The following KCNH1 variants were observed in gnomAD, a reference collection of about 807,000 sequenced individuals.
KCNH1 encodes voltage-gated delayed rectifier potassium channel KCNH1.
Under a neutral mutation model 69.2 loss-of-function variants are expected in KCNH1, and 27 were observed. The observed-to-expected ratio is 0.39, with a 90% CI of 0.29 to 0.54. The LOEUF is 0.54. Ranked by LOEUF, KCNH1 falls within the 20% of genes least tolerant of loss-of-function variation. KCNH1 has a pLI of 0.68. For synonymous variants in KCNH1, 456 were observed against 487.7 expected (o/e 0.93, Z 0.86); for missense variants, 798 against 1,261.6 (o/e 0.63, Z 5.57).
In KCNH1 at chr1:210,835,163, C is replaced by T. The variant is rs115592575; in HGVS notation, c.1463-30997G>A. On this transcript the variant is annotated intron_variant, in intron 7 of 10. Transcript: ENST00000271751. ...TATGCAAATCCTTTCTGTGTATGTT[C>T]AATAAAAATAAATGGCTACATGCTC... is the stretch of plus-strand genomic sequence containing the variant. 2.0e-3 allele frequency among the ~76,000 whole-genome samples: 309 copies of T among 152,186 alleles called. 3 individuals carry two copies. Among genetic ancestry groups the T allele is most frequent in the African/African-American group, 7.3e-3 (305 of 41,524 alleles).
chr1:211,040,424 A>T (rs1206068718), intron 5 of KCNH1, among the ~76,000 whole-genome samples: 1 of 152,102 alleles, frequency 6.6e-6, no homozygotes, highest in Non-Finnish European at 1.5e-5. Context: ...AATAAGTTTC[A>T]TGAGATCTGA....
intron 5 of KCNH1, among the ~76,000 whole-genome samples, chr1:211,054,702 T>C (rs1200914704): frequency 6.6e-6 from 1 of 152,172 alleles, no homozygotes; most frequent in Non-Finnish European, 1.5e-5. Context: ...TTAAAGTTAT[T>C]AGCTTCAAAA....
At chr1:210,878,261 T>C (rs1686423639) in intron 7 of KCNH1, among the ~76,000 whole-genome samples, 1 of 151,914 alleles carries the variant, frequency 6.6e-6, no homozygotes, top group Non-Finnish European at 1.5e-5. Context: ...TCAGTAACGA[T>C]ACCATTGAAC....
intron 5 of KCNH1, among the ~76,000 whole-genome samples, chr1:211,063,009 C>T (rs1318562377): frequency 6.6e-6 from 1 of 152,136 alleles, no homozygotes; most frequent in East Asian, 1.9e-4. Context: ...CTGCACTTCC[C>T]ATATTTATTA....
At chr1:210,746,016 G>C (rs1683144740) in intron 10 of KCNH1, among the ~76,000 whole-genome samples, 1 of 152,176 alleles carries the variant, frequency 6.6e-6, no homozygotes, top group Admixed American at 6.5e-5. Context: ...AGCTGGGGCA[G>C]CCACACACAC....
chr1:210,947,801 C>T (rs1687987591), intron 6 of KCNH1, among the ~76,000 whole-genome samples: 1 of 152,026 alleles, frequency 6.6e-6, no homozygotes, highest in African/African-American at 2.4e-5. Context: ...GATCAGAAAT[C>T]CTGGCTTTAC....
chr1:211,006,135 T>C (rs1689280065), intron 6 of KCNH1, among the ~76,000 whole-genome samples: 1 of 152,208 alleles, frequency 6.6e-6, no homozygotes. Flanking sequence ...AACTCTCATG[T>C]ATTGCAACCA....
chr1:210,988,524 A>G (rs767698074), intron 6 of KCNH1, among the ~76,000 whole-genome samples: 28 of 152,224 alleles, frequency 1.8e-4, no homozygotes, highest in Non-Finnish European at 3.4e-4. Flanking sequence ...CCACAATAAT[A>G]CATGCCATGT....
In KCNH1 at chr1:210,797,713, G is replaced by A. The variant is rs1684346106; in HGVS notation, c.1710C>T (p.His570=). 4 of 1,614,170 alleles carry A rather than the reference G, an allele frequency of 2.5e-6. No homozygotes were observed. Among genetic ancestry groups the A allele is most frequent in the East Asian group, 4.5e-5 (2 of 44,880 alleles). Residue 570 remains histidine (H), a synonymous_variant, in exon 9 of 11, where the codon CAC becomes CAT. Coordinates refer to ENST00000271751, the MANE Select transcript of KCNH1 (RefSeq NM_172362.3). ...PKDMRADICV[H]LNRKVFKEHP... ...GCTCCTTGAACACCTTGCGGTTCAG[G>A]TGCACGCAGATGTCGGCTCTCATGT...
chr1:210,867,272 G>A (rs1459629913), intron 7 of KCNH1, among the ~76,000 whole-genome samples: 4 of 151,072 alleles, frequency 2.6e-5, no homozygotes, highest in Non-Finnish European at 4.4e-5. Context: ...TGGTAGGTGA[G>A]TTTTATTTCA....
intron 6 of KCNH1, among the ~76,000 whole-genome samples, chr1:210,994,871 T>C (rs1287821025): frequency 6.6e-6 from 1 of 152,200 alleles, no homozygotes; most frequent in East Asian, 1.9e-4. Context: ...TGAAAACCTT[T>C]CTGAGCCTCT....
chr1:210,862,877 A>C (rs527342306), intron 7 of KCNH1, among the ~76,000 whole-genome samples: 1 of 152,316 alleles, frequency 6.6e-6, no homozygotes, highest in East Asian at 1.9e-4. Context: ...GAATCTCAAA[A>C]ATGTACAAAC....
At chr1:210,842,722 T>C (rs904760704) in intron 7 of KCNH1, among the ~76,000 whole-genome samples, 3 of 152,180 alleles carry the variant, frequency 2.0e-5, no homozygotes, top group African/African-American at 7.2e-5. Flanking sequence ...AGATCATTAG[T>C]GCAAGAGTGG....
At chr1:210,726,434 G>A (rs1682592489) in intron 10 of KCNH1, among the ~76,000 whole-genome samples, 1 of 152,200 alleles carries the variant, frequency 6.6e-6, no homozygotes, top group South Asian at 2.1e-4. Flanking sequence ...GTTGGCATCT[G>A]GGTCCTGAAG....
At chr1:210,969,751 C>G (rs1232871102) in intron 6 of KCNH1, among the ~76,000 whole-genome samples, 1 of 152,062 alleles carries the variant, frequency 6.6e-6, no homozygotes, top group East Asian at 1.9e-4. Flanking sequence ...TCTTTAATTT[C>G]TACTTTCATC....
At chr1:210,922,256 C>T (rs1039672853) in intron 6 of KCNH1, among the ~76,000 whole-genome samples, 1 of 151,876 alleles carries the variant, frequency 6.6e-6, no homozygotes, top group African/African-American at 2.4e-5. Flanking sequence ...GTGGCAGGCG[C>T]CTGTGGTCCC....
intron 5 of KCNH1, among the ~76,000 whole-genome samples, chr1:211,058,937 CA>C (rs1327028426): frequency 6.6e-6 from 1 of 152,106 alleles, no homozygotes; most frequent in East Asian, 1.9e-4. Flanking sequence ...ACAGGAATAG[CA>C]GCTATACTTA....
At chr1:210,920,344 G>A (rs919214382) in intron 6 of KCNH1, among the ~76,000 whole-genome samples, 1 of 152,026 alleles carries the variant, frequency 6.6e-6, no homozygotes, top group East Asian at 1.9e-4. Context: ...AAATACCTGT[G>A]GGCATCTTTC....
chr1:210,735,417 AGTGAGTGTGTGTGTGT>A (rs1278369521), intron 10 of KCNH1, among the ~76,000 whole-genome samples: 177 of 116,058 alleles, frequency 1.5e-3, no homozygotes, highest in African/African-American at 3.5e-3. Context: ...TGAATGAGTG[AGTGAGTGTGTGTGTGT>A]GTGTGTGTGT....
Sources: gnomAD v4.1 joint callset for allele counts (sites outside exome capture counted in the v4.1 genomes callset) on GRCh38, gnomAD v4.1.1 for gene constraint, MANE v1.5 for transcripts, NCBI Gene and HGNC (gene_info 2026-07-23, HGNC 2026-07-21) for gene names.